TBC1D22B: variants seen among roughly 807,000 people sequenced by gnomAD.
TBC1D22B encodes TBC1 domain family member 22B, also known as chromosome 6 open reading frame 197.
In TBC1D22B, 32 loss-of-function variants were observed where a neutral mutation model predicts 69.1. The ratio of observed to expected loss-of-function variants is 0.46; its 90% CI spans 0.35 to 0.62. The LOEUF (loss-of-function observed/expected upper bound fraction) is 0.62, where lower values mean the gene tolerates loss of function less well. Among genes scored for constraint, TBC1D22B ranks in the 20% least tolerant of loss-of-function variants. The pLI, the probability that TBC1D22B is intolerant of heterozygous loss-of-function variation, is 0.00. For synonymous variants in TBC1D22B, 206 were observed against 229.8 expected (o/e 0.90, Z 0.94); for missense variants, 462 against 630.9 (o/e 0.73, Z 2.87).
rs1289070871 is a variant in TBC1D22B at position 37,313,029 on chromosome 6, G to A, written c.1089+5G>A. 2 of 1,612,316 alleles carry A rather than the reference G, an allele frequency of 1.2e-6. No homozygotes were observed. The highest frequency in any genetic ancestry group is 4.5e-5 in the East Asian group (2 of 44,880). On this transcript the variant is annotated splice_donor_5th_base_variant and intron_variant, in intron 9 of 12. Coordinates refer to ENST00000373491, the MANE Select transcript of TBC1D22B (RefSeq NM_017772.4). ...AAGCTGCTGGATGGAATCCAGGTGA[G>A]CTGCTTCTGCCCTTGTGGGAACAAA...
chr6:37,305,770 T>G (rs1767697474), intron 8 of TBC1D22B, among the ~76,000 whole-genome samples: 1 of 152,244 alleles, frequency 6.6e-6, no homozygotes, highest in South Asian at 2.1e-4. Flanking sequence ...TCCACCCGTC[T>G]CGGCCTCCCA....
At chr6:37,328,190 A>T (rs1227188662) in intron 12 of TBC1D22B, among the ~76,000 whole-genome samples, 1 of 152,072 alleles carries the variant, frequency 6.6e-6, no homozygotes, top group Non-Finnish European at 1.5e-5. Context: ...GGCTAATCCC[A>T]GCTACTCGGG....
At chr6:37,268,044 C>T (rs893222020) in intron 1 of TBC1D22B, among the ~76,000 whole-genome samples, 1 of 152,312 alleles carries the variant, frequency 6.6e-6, no homozygotes. Context: ...CTCCACCAAT[C>T]CTTTTGCCAT....
chr6:37,289,769 G>A (rs1368664661), intron 7 of TBC1D22B, among the ~76,000 whole-genome samples: 1 of 152,238 alleles, frequency 6.6e-6, no homozygotes, highest in Admixed American at 6.5e-5. Flanking sequence ...GATGGTTCTA[G>A]CTTTGGCTGT....
At chr6:37,303,565 A>T (rs1199774442) in intron 8 of TBC1D22B, among the ~76,000 whole-genome samples, 2 of 152,146 alleles carry the variant, frequency 1.3e-5, no homozygotes, top group Non-Finnish European at 2.9e-5. Flanking sequence ...ATTCAAACAG[A>T]GACTCGCCCA....
At chr6:37,319,605 T>C (rs1015140190) in intron 12 of TBC1D22B, among the ~76,000 whole-genome samples, 4 of 152,210 alleles carry the variant, frequency 2.6e-5, no homozygotes, top group African/African-American at 9.6e-5. Flanking sequence ...AGAACAGCAT[T>C]GGAGGCTATT....
At chr6:37,272,525 C>G (rs767764026) in intron 2 of TBC1D22B, among the ~76,000 whole-genome samples, 77 of 152,168 alleles carry the variant, frequency 5.1e-4, no homozygotes, top group Middle Eastern at 3.4e-3. Flanking sequence ...GTGGCTGGGA[C>G]TACAGGCATG....
chr6:37,290,102 T>G (rs1049367610), intron 7 of TBC1D22B, among the ~76,000 whole-genome samples: 1 of 152,140 alleles, frequency 6.6e-6, no homozygotes, highest in African/African-American at 2.4e-5. Flanking sequence ...CCTCCTACAC[T>G]AGATAACCAT....
intron 2 of TBC1D22B, among the ~76,000 whole-genome samples, chr6:37,273,747 C>G (rs911818017): frequency 6.6e-6 from 1 of 152,068 alleles, no homozygotes; most frequent in Non-Finnish European, 1.5e-5. Flanking sequence ...AACATGGGGT[C>G]GCGTCTATGT....
chr6:37,311,012 A>G (rs1311344388), intron 8 of TBC1D22B, among the ~76,000 whole-genome samples: 1 of 152,224 alleles, frequency 6.6e-6, no homozygotes, highest in Non-Finnish European at 1.5e-5. Context: ...GTAAGAAAGT[A>G]TGCCATAAAT....
intron 1 of TBC1D22B, among the ~76,000 whole-genome samples, chr6:37,259,494 T>C (rs540374454): frequency 2.0e-5 from 3 of 152,298 alleles, no homozygotes; most frequent in East Asian, 3.9e-4. Flanking sequence ...CAGGAAGCAG[T>C]GTAAGAGATG....
chr6:37,304,408 G>T (rs1767649321), intron 8 of TBC1D22B, among the ~76,000 whole-genome samples: 1 of 152,122 alleles, frequency 6.6e-6, no homozygotes, highest in Admixed American at 6.5e-5. Flanking sequence ...GCTAATATGA[G>T]AACAGATATC....
chr6:37,329,756 CT>C (rs1222902642), intron 12 of TBC1D22B, among the ~76,000 whole-genome samples: 3 of 152,192 alleles, frequency 2.0e-5, no homozygotes, highest in African/African-American at 7.2e-5. Context: ...CATGCTTTAA[CT>C]TTATGGTCTA....
chr6:37,262,298 C>T (rs542611617), intron 1 of TBC1D22B, among the ~76,000 whole-genome samples: 1 of 152,234 alleles, frequency 6.6e-6, no homozygotes, highest in African/African-American at 2.4e-5. Flanking sequence ...CCACCTCAGC[C>T]TCCCAAAGTT....
chr6:37,323,007 G>A (rs535757345), intron 12 of TBC1D22B, among the ~76,000 whole-genome samples: 3 of 152,306 alleles, frequency 2.0e-5, no homozygotes, highest in Non-Finnish European at 2.9e-5. Flanking sequence ...TCTATGAAGA[G>A]CGTGTGCCTG....
At chr6:37,316,915 G>A in intron 11 of TBC1D22B, 85 bp downstream of exon 11, 2 of 1,594,914 alleles carry the variant, frequency 1.3e-6, no homozygotes, top group Non-Finnish European at 1.7e-6. Flanking sequence ...TAGCTGCTTA[G>A]AAGCTTCCCC....
intron 2 of TBC1D22B, among the ~76,000 whole-genome samples, chr6:37,275,100 G>A (rs898978931): frequency 2.0e-5 from 3 of 152,094 alleles, no homozygotes; most frequent in African/African-American, 7.2e-5. Context: ...CCACACTGTG[G>A]CATTCTTTTA....
chr6:37,321,518 G>T (rs919679042), intron 12 of TBC1D22B, among the ~76,000 whole-genome samples: 1 of 152,172 alleles, frequency 6.6e-6, no homozygotes, highest in African/African-American at 2.4e-5. Flanking sequence ...TCCTCCCAGG[G>T]TCTTCCTTGT....
In TBC1D22B at chr6:37,261,944, A is replaced by AGTGT. The variant is rs70977641; in HGVS notation, c.56+4020_56+4023dup. The stretch of plus-strand genomic sequence containing the variant: ...GGGGAAAAATAAAAAAGCTTTGGTC[A>AGTGT]GTGTGTGTGTGTGTGTGTGTGTGTG... On this transcript the variant is annotated intron_variant, in intron 1 of 12. Coordinates refer to ENST00000373491, the MANE Select transcript of TBC1D22B (RefSeq NM_017772.4). Among the ~76,000 whole-genome samples, 660 of 118,792 alleles carry AGTGT rather than the reference A, an allele frequency of 5.6e-3. 4 individuals carry two copies. Among genetic ancestry groups the AGTGT allele is most frequent in the Non-Finnish European group, 7.6e-3 (449 of 59,410 alleles). 77.9% of individuals were successfully genotyped at this position (118,792 alleles called of 152,430 possible).
Sources: gnomAD v4.1 joint callset for allele counts (sites outside exome capture counted in the v4.1 genomes callset) on GRCh38, gnomAD v4.1.1 for gene constraint, MANE v1.5 for transcripts, NCBI Gene and HGNC (gene_info 2026-07-23, HGNC 2026-07-21) for gene names.